The following OMA1 variants were observed in gnomAD, a reference collection of about 807,000 sequenced individuals.
The protein encoded by OMA1 is metalloendopeptidase OMA1, mitochondrial.
Under a neutral mutation model 30.9 loss-of-function variants are expected in OMA1, and 38 were observed. That is an observed-to-expected ratio of 1.23 (90% CI 0.95 to 1.61). The LOEUF (loss-of-function observed/expected upper bound fraction) is 1.61, where lower values mean the gene tolerates loss of function less well. Ranked by LOEUF, OMA1 falls within the 40% of genes most tolerant of loss-of-function variation. The probability of loss-of-function intolerance (pLI) is 0.00; values close to 1 mark genes in which losing one functional copy is unlikely to be tolerated. For synonymous variants in OMA1, 173 were observed against 121.9 expected (o/e 1.42, Z -2.76); for missense variants, 461 against 349.2 (o/e 1.32, Z -2.55).
At chr1:58,542,774 C>T (rs1049140984) in intron 1 of OMA1, among the ~76,000 whole-genome samples, 6 of 152,150 alleles carry the variant, frequency 3.9e-5, no homozygotes, top group African/African-American at 1.4e-4. Flanking sequence ...CATCTTACAG[C>T]CTCATTTTAG....
At chr1:58,492,955 C>T (rs1645725366) in intron 8 of OMA1, among the ~76,000 whole-genome samples, 1 of 151,950 alleles carries the variant, frequency 6.6e-6, no homozygotes, top group Non-Finnish European at 1.5e-5. Flanking sequence ...CTGGCAGAGA[C>T]ACAACAAAAA....
chr1:58,512,812 T>A (rs906651066), intron 7 of OMA1, among the ~76,000 whole-genome samples: 1 of 152,108 alleles, frequency 6.6e-6, no homozygotes, highest in South Asian at 2.1e-4. Flanking sequence ...ATGAATAAGA[T>A]CTAGAGATCT....
intron 7 of OMA1, among the ~76,000 whole-genome samples, chr1:58,510,765 AAATT>A (rs1482363653): frequency 6.6e-6 from 1 of 152,160 alleles, no homozygotes; most frequent in Non-Finnish European, 1.5e-5. Context: ...ACTAATAAAT[AAATT>A]CAGTAAAGTT....
intron 8 of OMA1, among the ~76,000 whole-genome samples, chr1:58,486,345 C>T (rs765755471): frequency 3.0e-4 from 46 of 152,052 alleles, no homozygotes; most frequent in Admixed American, 1.6e-3. Flanking sequence ...GAATTAAAAC[C>T]GAAGACTCCT....
At chr1:58,497,839 C>T (rs768913401) in intron 8 of OMA1, among the ~76,000 whole-genome samples, 5 of 152,178 alleles carry the variant, frequency 3.3e-5, no homozygotes, top group Admixed American at 6.5e-5. Flanking sequence ...ACCTTTCTGT[C>T]TTAGTTTCAG....
In OMA1 at chr1:58,519,722, AGAGTT is replaced by A. The variant is rs1188459555; in HGVS notation, c.1215+7534_1215+7538del. ...CGGACCCAGCTATAATACAGAGATT[AGAGTT>A]AAGAAACATGAATTTTTAAAAAAAT... On this transcript the variant is annotated intron_variant, in intron 7 of 8. Transcript: ENST00000371226. Among the ~76,000 whole-genome samples the A allele has an allele frequency of 3.9e-5, 6 of 152,368 alleles. No individual in the cohort carries two copies. In the East Asian group the frequency reaches 9.6e-4, roughly 24 times the overall value.
chr1:58,534,412 CTTA>C, intron 3 of OMA1, 81 bp from the exon 4 acceptor site: 1 of 644,808 alleles, frequency 1.6e-6, no homozygotes, highest in Non-Finnish European at 2.7e-6. Flanking sequence ...TATATGGCTA[CTTA>C]TTATTGAACA....
intron 7 of OMA1, among the ~76,000 whole-genome samples, chr1:58,507,962 T>A (rs959182145): frequency 8.5e-5 from 13 of 152,310 alleles, no homozygotes; most frequent in African/African-American, 2.9e-4. Context: ...TTATCTAACA[T>A]GAAGTTTGTC....
At chr1:58,542,984 C>CTT (rs11445971) in intron 1 of OMA1, among the ~76,000 whole-genome samples, 120 of 149,404 alleles carry the variant, frequency 8.0e-4, no homozygotes, top group Middle Eastern at 7.0e-3. Context: ...AAACAAAAAG[C>CTT]TTTTTTAAAA....
intron 7 of OMA1, among the ~76,000 whole-genome samples, chr1:58,518,690 T>C (rs1646212397): frequency 6.6e-6 from 1 of 151,898 alleles, no homozygotes; most frequent in Non-Finnish European, 1.5e-5. Flanking sequence ...TAGAGGGTAG[T>C]ATATTCATTG....
intron 8 of OMA1, among the ~76,000 whole-genome samples, chr1:58,503,014 CATT>C (rs1157203639): frequency 1.3e-5 from 2 of 152,094 alleles, no homozygotes; most frequent in Non-Finnish European, 1.5e-5. Flanking sequence ...CTAATCAATT[CATT>C]ATTATTTTAA....
chr1:58,534,123 T>C (rs375886024), intron 4 of OMA1, 35 bp downstream of exon 4: 3 of 867,804 alleles, frequency 3.5e-6, no homozygotes, highest in Non-Finnish European at 6.0e-6. Context: ...ACAATAAATT[T>C]AACAATTACA....
At chr1:58,530,024 G>A (rs1646409892) in intron 6 of OMA1, among the ~76,000 whole-genome samples, 1 of 151,912 alleles carries the variant, frequency 6.6e-6, no homozygotes, top group Non-Finnish European at 1.5e-5. Context: ...GAGACTACAG[G>A]CGCCCGCCAC....
chr1:58,534,542 G>GT (rs895593285), intron 3 of OMA1, among the ~76,000 whole-genome samples: 11 of 152,148 alleles, frequency 7.2e-5, no homozygotes, highest in Non-Finnish European at 1.5e-4. Flanking sequence ...CTAATACTAA[G>GT]TTTTTTTATG....
chr1:58,504,268 C>T (rs57329436), intron 8 of OMA1, among the ~76,000 whole-genome samples: 2,503 of 152,276 alleles, frequency 0.016, 53 homozygotes, highest in East Asian at 0.12. Flanking sequence ...TCTTCCCTTC[C>T]CTTACTCCAT....
chr1:58,498,046 A>G (rs1297005548), intron 8 of OMA1, among the ~76,000 whole-genome samples: 2 of 152,138 alleles, frequency 1.3e-5, no homozygotes, highest in African/African-American at 2.4e-5. Context: ...CTCCTCCCCT[A>G]TAAGGCCCTG....
chr1:58,491,334 G>A (rs1234435840), intron 8 of OMA1, among the ~76,000 whole-genome samples: 2 of 152,202 alleles, frequency 1.3e-5, no homozygotes, highest in African/African-American at 4.8e-5. Flanking sequence ...AGACCATCAA[G>A]GCTAGGAAGA....
rs768039425 is a variant in OMA1, at chr1:58,506,083, A to G, written c.1342T>C (p.Tyr448His). ...THPSHGNRVE[Y>H]LDRLIPQALK... ...ACCTGAGGTATAAGTCTATCCAAGT[A>G]CTCAACTCGATTGCCATGAGAAGGG... The change falls in exon 8 of 9, where the codon TAC becomes CAC. Residue 448 changes from tyrosine (Y) to histidine (H), a missense_variant. Coordinates refer to ENST00000371226, the MANE Select transcript of OMA1 (RefSeq NM_145243.5). 1 of 871,518 alleles carries G rather than the reference A, an allele frequency of 1.1e-6. No homozygotes were observed. The highest frequency in any genetic ancestry group is 2.0e-6 in the Non-Finnish European group (1 of 500,620). 54.0% of individuals were successfully genotyped at this position (871,518 alleles called of 1,614,324 possible).
chr1:58,520,997 C>T (rs7553607), intron 7 of OMA1, among the ~76,000 whole-genome samples: 65,150 of 152,084 alleles, frequency 0.43, 16,174 homozygotes, highest in East Asian at 0.66. Flanking sequence ...ATGGCAGGAT[C>T]CACTTTCAAG....
Sources: allele counts gnomAD v4.1 joint callset (sites outside exome capture counted in the v4.1 genomes callset), GRCh38; gene constraint gnomAD v4.1.1; transcripts MANE v1.5; gene names NCBI Gene and HGNC (gene_info 2026-07-23, HGNC 2026-07-21).